RAD52: variants seen among roughly 807,000 people sequenced by gnomAD.
RAD52 encodes the protein RAD52 DNA repair protein, also known as DNA repair protein RAD52 homolog.
In RAD52, 47 loss-of-function variants were observed where a neutral mutation model predicts 55.5. The observed-to-expected ratio is 0.85, with a 90% CI of 0.67 to 1.08. The LOEUF is 1.08. Ranked by LOEUF, RAD52 falls within the 50% of genes least tolerant of loss-of-function variation. RAD52 has a pLI of 0.00. For missense variants in RAD52, 468 were observed against 522.8 expected (o/e 0.90, Z 1.02); for synonymous variants, 184 against 198.9 (o/e 0.92, Z 0.63).
chr12:911,844 AC>A lies in RAD52; in HGVS notation c.*1546del, dbSNP rs1432329316. Among the ~76,000 whole-genome samples the A allele has an allele frequency of 2.0e-5, 3 of 151,160 alleles. No homozygotes were observed. Among genetic ancestry groups the A allele is most frequent in the African/African-American group, 7.3e-5 (3 of 41,094 alleles). On this transcript the variant is annotated 3_prime_UTR_variant, in exon 12 of 12. Transcript: ENST00000358495. ...AGACCAGCCTGGCCAACATGGAGAAACCCCGTCTCCTCTACTAAAAATACAA... is the reference window on the plus strand; with the variant it reads ...AGACCAGCCTGGCCAACATGGAGAAACCCGTCTCCTCTACTAAAAATACAA...
chr12:928,523 A>AG (rs1163024692), intron 5 of RAD52, among the ~76,000 whole-genome samples: 1 of 152,190 alleles, frequency 6.6e-6, no homozygotes, highest in African/African-American at 2.4e-5. Context: ...ATCTCAAAAA[A>AG]AAAAAAGAAG....
At position 929,910 on chromosome 12, in the gene RAD52, T is replaced by C. The variant is rs1014980234; in HGVS notation, c.281-24A>G. 1.2e-5 allele frequency: 20 copies of C among 1,606,398 alleles called. No homozygotes were observed. In the African/African-American group the frequency reaches 2.3e-4, roughly 18 times the overall value. ...ATCTAGGAGTGGGAAAGAGAGCAAGTTGAAGAGGACACTGACCGCTGGGCC... is the reference window on the plus strand; with the variant it reads ...ATCTAGGAGTGGGAAAGAGAGCAAGCTGAAGAGGACACTGACCGCTGGGCC... On this transcript the variant is annotated intron_variant, in intron 4 of 11. Transcript: ENST00000358495.
intron 1 of RAD52, among the ~76,000 whole-genome samples, chr12:963,248 C>G (rs755734305): frequency 2.0e-5 from 3 of 152,162 alleles, no homozygotes; most frequent in Non-Finnish European, 4.4e-5. Flanking sequence ...TAGCCAAGGA[C>G]TCCTGTAGCA....
intron 1 of RAD52, chr12:936,940 T>G (rs374407793): frequency 6.6e-6 from 1 of 152,196 alleles, no homozygotes; most frequent in African/African-American, 2.4e-5. Context: ...CCACGGTCCC[T>G]TACCTCCTGC....
intron 1 of RAD52, among the ~76,000 whole-genome samples, chr12:983,145 C>T (rs1030249961): frequency 6.6e-6 from 1 of 152,068 alleles, no homozygotes; most frequent in African/African-American, 2.4e-5. Context: ...CAGCTGCACA[C>T]GGCTCAATCA....
At chr12:962,999 G>C (rs951335476) in intron 1 of RAD52, among the ~76,000 whole-genome samples, 1 of 152,152 alleles carries the variant, frequency 6.6e-6, no homozygotes, top group Non-Finnish European at 1.5e-5. Flanking sequence ...CAATCCTTCT[G>C]CCTTGGTCTC....
chr12:923,042 G>C (rs1956821668), intron 7 of RAD52, among the ~76,000 whole-genome samples: 1 of 151,670 alleles, frequency 6.6e-6, no homozygotes, highest in Non-Finnish European at 1.5e-5. Flanking sequence ...TTTTTTAGTA[G>C]AGACAGGGTT....
intron 1 of RAD52, among the ~76,000 whole-genome samples, chr12:958,062 GCTCCCAGCCCA>G (rs1958633271): frequency 1.3e-5 from 2 of 152,196 alleles, no homozygotes; most frequent in African/African-American, 2.4e-5. Context: ...AGGAGGTGCT[GCTCCCAGCCCA>G]GAGGTAAGGG....
rs547977843 is a variant in RAD52, at chr12:911,931, G to C, written c.*1460C>G. Reference sequence around the variant, plus strand: ...CCAGCTACTCGGGAGCCTGAGGCAGGAGAATTGCTTGAATCCTGGCAGGCG... The same window carrying C: ...CCAGCTACTCGGGAGCCTGAGGCAGCAGAATTGCTTGAATCCTGGCAGGCG... On this transcript the variant is annotated 3_prime_UTR_variant, in exon 12 of 12. Transcript: ENST00000358495. 4.8e-5 allele frequency: 9 copies of C among 186,248 alleles called. No individual in the cohort carries two copies. Among genetic ancestry groups the C allele is most frequent in the Admixed American group, 1.2e-4 (2 of 16,112 alleles). 11.5% of individuals were successfully genotyped at this position (186,248 alleles called of 1,614,324 possible).
At chr12:925,881 G>A (rs889844471) in intron 6 of RAD52, among the ~76,000 whole-genome samples, 1 of 151,988 alleles carries the variant, frequency 6.6e-6, no homozygotes. Context: ...TTCCCAGCAG[G>A]AGTAGGCAAC....
At chr12:977,567 C>A (rs1426638493) in intron 1 of RAD52, among the ~76,000 whole-genome samples, 2 of 152,232 alleles carry the variant, frequency 1.3e-5, no homozygotes, top group Admixed American at 1.3e-4. Context: ...ATTTGCCTGG[C>A]AGTCACCTGA....
At chr12:984,810 G>A (rs549287487) in intron 1 of RAD52, among the ~76,000 whole-genome samples, 8 of 152,074 alleles carry the variant, frequency 5.3e-5, no homozygotes, top group Non-Finnish European at 1.0e-4. Context: ...GACTACAGGC[G>A]CCCGCCACCA....
intron 1 of RAD52, among the ~76,000 whole-genome samples, chr12:934,191 A>G (rs1228916828): frequency 2.0e-5 from 3 of 151,776 alleles, no homozygotes; most frequent in Non-Finnish European, 2.9e-5. Flanking sequence ...TATCAGCCAG[A>G]CGCAGTCACT....
chr12:977,263 T>C (rs372449423), intron 1 of RAD52, among the ~76,000 whole-genome samples: 243 of 152,352 alleles, frequency 1.6e-3, no homozygotes, highest in African/African-American at 5.4e-3. Flanking sequence ...TGTTGGCTAA[T>C]TGCTGCATGT....
intron 1 of RAD52, among the ~76,000 whole-genome samples, chr12:980,367 C>T (rs1958997485): frequency 2.0e-5 from 3 of 151,318 alleles, no homozygotes; most frequent in Admixed American, 2.0e-4. Flanking sequence ...GATCTTGGCC[C>T]ACTGCAACCT....
At chr12:980,247 A>T (rs560303577) in intron 1 of RAD52, among the ~76,000 whole-genome samples, 26 of 152,016 alleles carry the variant, frequency 1.7e-4, no homozygotes, top group African/African-American at 6.0e-4. Context: ...TAGAAAAAAA[A>T]ATATCGGATA....
chr12:947,258 A>G (rs1958281506), intron 1 of RAD52, among the ~76,000 whole-genome samples: 1 of 152,066 alleles, frequency 6.6e-6, no homozygotes, highest in Non-Finnish European at 1.5e-5. Context: ...TCCAGGAGGC[A>G]GAAGTGGCAG....
rs536303348 is a variant in RAD52 at position 914,360 on chromosome 12, C to T, written c.967+71G>A. The T allele has an allele frequency of 1.2e-3, 1,854 of 1,579,074 alleles. 3 individuals carry two copies. Among genetic ancestry groups the T allele is most frequent in the Non-Finnish European group, 1.4e-3 (1,669 of 1,166,774 alleles). ...CACACGAAAATGAGGATTTTTATGT[C>T]GCCTAAAAGGTATTCTGTGGCTACT... On this transcript the variant is annotated intron_variant, in intron 10 of 11. Coordinates refer to ENST00000358495, the MANE Select transcript of RAD52 (RefSeq NM_134424.4).
intron 1 of RAD52, among the ~76,000 whole-genome samples, chr12:986,827 T>C (rs979786977): frequency 3.3e-5 from 5 of 150,754 alleles, no homozygotes; most frequent in African/African-American, 9.7e-5. Context: ...CCAGAACTCC[T>C]ACCCTTCTGT....
Sources: allele counts gnomAD v4.1 joint callset (sites outside exome capture counted in the v4.1 genomes callset), GRCh38; gene constraint gnomAD v4.1.1; transcripts MANE v1.5; gene names NCBI Gene and HGNC (gene_info 2026-07-23, HGNC 2026-07-21).